PRIM2: variants seen among roughly 807,000 people sequenced by gnomAD.
The protein encoded by PRIM2 is DNA primase subunit 2, also known as DNA primase large subunit.
PRIM2 carries 39 observed loss-of-function variants against 67.3 expected under a neutral mutation model. The ratio of observed to expected loss-of-function variants is 0.58; its 90% confidence interval spans 0.45 to 0.76. PRIM2 has a LOEUF of 0.76. Among genes scored for constraint, PRIM2 ranks in the 30% least tolerant of loss-of-function variants. PRIM2 has a pLI of 0.00. For missense variants in PRIM2, 398 were observed against 598.7 expected (o/e 0.66, Z 3.50); for synonymous variants, 143 against 198.7 (o/e 0.72, Z 2.36).
the PRIM2 span, among the ~76,000 whole-genome samples, chr6:57,304,196 T>C: frequency 6.6e-6 from 1 of 152,192 alleles, no homozygotes; most frequent in Admixed American, 6.5e-5. Flanking sequence ...ATATGCTTTT[T>C]ATGAAACTTA....
intron 5 of PRIM2, among the ~76,000 whole-genome samples, chr6:57,335,653 TG>T (rs1378256934): frequency 6.6e-6 from 1 of 152,212 alleles, no homozygotes; most frequent in Non-Finnish European, 1.5e-5. Context: ...CTGAGGGTCC[TG>T]TCTGTTAGAA....
chr6:57,376,987 C>T (rs1166805797), intron 5 of PRIM2, among the ~76,000 whole-genome samples: 2 of 152,120 alleles, frequency 1.3e-5, no homozygotes, highest in Non-Finnish European at 2.9e-5. Flanking sequence ...AGCAATTCTT[C>T]TTCCCCACCC....
intron 7 of PRIM2, among the ~76,000 whole-genome samples, chr6:57,494,330 A>G (rs1169618921): frequency 1.4e-4 from 21 of 152,150 alleles, no homozygotes; most frequent in African/African-American, 4.8e-4. Context: ...TTTTTAAAAA[A>G]CTTATGCAAC....
intron 13 of PRIM2, among the ~76,000 whole-genome samples, chr6:57,641,536 C>G (rs1777233579): frequency 6.6e-6 from 1 of 151,608 alleles, no homozygotes; most frequent in African/African-American, 2.4e-5. Flanking sequence ...CTTAAATTTA[C>G]AAGAAACAAA....
At chr6:57,271,877 T>C in the PRIM2 span, among the ~76,000 whole-genome samples, 1 of 152,194 alleles carries the variant, frequency 6.6e-6, no homozygotes, top group Non-Finnish European at 1.5e-5. Flanking sequence ...GCCTTCATTT[T>C]GTTATTTACC....
At chr6:57,620,422 C>T (rs1157538483) in intron 12 of PRIM2, among the ~76,000 whole-genome samples, 1 of 152,098 alleles carries the variant, frequency 6.6e-6, no homozygotes, top group Non-Finnish European at 1.5e-5. Flanking sequence ...CCTCCTCAAA[C>T]AAAACAAACA....
chr6:57,288,755 A>G, the PRIM2 span, among the ~76,000 whole-genome samples: 1 of 152,220 alleles, frequency 6.6e-6, no homozygotes, highest in Non-Finnish European at 1.5e-5. Flanking sequence ...AAATAGCATC[A>G]ACATCAACAA....
chr6:57,376,835 T>C (rs1658662030), intron 5 of PRIM2, among the ~76,000 whole-genome samples: 1 of 152,158 alleles, frequency 6.6e-6, no homozygotes, highest in Non-Finnish European at 1.5e-5. Context: ...AAAATTCCCT[T>C]ACTGAATTTT....
At chr6:57,423,393 G>T (rs1398474821) in intron 7 of PRIM2, among the ~76,000 whole-genome samples, 2 of 152,098 alleles carry the variant, frequency 1.3e-5, no homozygotes, top group Non-Finnish European at 2.9e-5. Context: ...GCAGTTGAAG[G>T]TTAACATGAA....
intron 7 of PRIM2, among the ~76,000 whole-genome samples, chr6:57,416,972 CT>C (rs377078433): frequency 0.038 from 5,508 of 144,332 alleles, 323 homozygotes; most frequent in African/African-American, 0.13. Context: ...TTCTTTTTTT[CT>C]TTTTTTTTTT....
chr6:57,280,452 A>T, the PRIM2 span, among the ~76,000 whole-genome samples: 1 of 152,122 alleles, frequency 6.6e-6, no homozygotes, highest in Non-Finnish European at 1.5e-5. Flanking sequence ...TAGAAAGACA[A>T]TGCAGACAGT....
At chr6:57,568,258 A>G (rs1241016317) in intron 10 of PRIM2, among the ~76,000 whole-genome samples, 5 of 152,198 alleles carry the variant, frequency 3.3e-5, no homozygotes, top group African/African-American at 1.2e-4. Context: ...TTTTTCCGTG[A>G]CCAATAATGT....
At chr6:57,572,337 T>C (rs1775878158) in intron 10 of PRIM2, among the ~76,000 whole-genome samples, 1 of 152,212 alleles carries the variant, frequency 6.6e-6, no homozygotes, top group Non-Finnish European at 1.5e-5. Context: ...CAATATTGAA[T>C]GAAGGCTCAG....
At chr6:57,541,965 G>A (rs1470814615) in intron 10 of PRIM2, among the ~76,000 whole-genome samples, 1 of 143,832 alleles carries the variant, frequency 7.0e-6, no homozygotes, top group Admixed American at 7.2e-5. Context: ...GGTGGTTGTT[G>A]TGTTTTGGTT....
At chr6:57,488,865 A>T (rs1345656325) in intron 7 of PRIM2, among the ~76,000 whole-genome samples, 1 of 152,208 alleles carries the variant, frequency 6.6e-6, no homozygotes, top group Non-Finnish European at 1.5e-5. Context: ...CGTGCTACAG[A>T]TGAACAACCC....
chr6:57,253,216 T>C, the PRIM2 span, among the ~76,000 whole-genome samples: 1 of 151,688 alleles, frequency 6.6e-6, no homozygotes, highest in African/African-American at 2.4e-5. Flanking sequence ...AAACAGTAGT[T>C]AGGGGCAAAG....
At chr6:57,298,198 A>G in the PRIM2 span, among the ~76,000 whole-genome samples, 1 of 152,070 alleles carries the variant, frequency 6.6e-6, no homozygotes, top group Non-Finnish European at 1.5e-5. Context: ...CGTCTCTACT[A>G]AAGATACAAA....
At chr6:57,519,015 A>G (rs1410046607) in intron 8 of PRIM2, among the ~76,000 whole-genome samples, 2 of 152,216 alleles carry the variant, frequency 1.3e-5, no homozygotes, top group Non-Finnish European at 2.9e-5. Context: ...CGGGGGAGAC[A>G]TCACATGTCA....
the PRIM2 span, among the ~76,000 whole-genome samples, chr6:57,254,343 T>G: frequency 6.6e-6 from 1 of 152,210 alleles, no homozygotes; most frequent in Non-Finnish European, 1.5e-5. Context: ...GTCCACTGTT[T>G]CCTTTGCTAC....
Sources: allele counts gnomAD v4.1 joint callset (sites outside exome capture counted in the v4.1 genomes callset), GRCh38; gene constraint gnomAD v4.1.1; transcripts MANE v1.5; gene names NCBI Gene and HGNC (gene_info 2026-07-23, HGNC 2026-07-21).